Variants in DIS3L2 observed in about 807,000 individuals in gnomAD.
DIS3L2 encodes the protein DIS3 like 3'-5' exoribonuclease 2.
A neutral mutation model predicts 97.5 loss-of-function variants in DIS3L2; 34 were observed. The ratio of observed to expected loss-of-function variants is 0.35; its 90% CI spans 0.27 to 0.46. The LOEUF (loss-of-function observed/expected upper bound fraction) is 0.46. Ranked by LOEUF, DIS3L2 falls within the 20% of genes least tolerant of loss-of-function variation. DIS3L2 has a pLI of 1.00. For missense variants in DIS3L2, 1,038 were observed against 1,146.0 expected, an observed-to-expected ratio of 0.91 and a Z score of 1.36; for synonymous variants, 435 against 445.2, an observed-to-expected ratio of 0.98 and a Z score of 0.29.
At chr2:232,015,397 G>A (rs1694324240) in intron 2 of DIS3L2, 117 bp from the exon 3 acceptor site, 15 of 1,312,494 alleles carry the variant, frequency 1.1e-5, no homozygotes, top group South Asian at 3.2e-5. Flanking sequence ...CACCATCAGG[G>A]AGTTTCAGTC....
chr2:232,143,527 T>C (rs1300123419), intron 8 of DIS3L2, among the ~76,000 whole-genome samples: 1 of 152,168 alleles, frequency 6.6e-6, no homozygotes, highest in Non-Finnish European at 1.5e-5. Flanking sequence ...TCCAAATACA[T>C]ACATATTGAA....
chr2:231,998,358 A>G (rs910644154), intron 1 of DIS3L2, among the ~76,000 whole-genome samples: 5 of 152,294 alleles, frequency 3.3e-5, no homozygotes, highest in Non-Finnish European at 7.4e-5. Context: ...TTCATTCACT[A>G]TGGTTGAGCC....
intron 5 of DIS3L2, among the ~76,000 whole-genome samples, chr2:232,055,912 C>CA (rs1695535458): frequency 6.6e-6 from 1 of 152,106 alleles, no homozygotes; most frequent in South Asian, 2.1e-4. Flanking sequence ...ATTGGCTACC[C>CA]ACTTGGAGAA....
chr2:232,211,179 C>G (rs1490204123), intron 10 of DIS3L2, among the ~76,000 whole-genome samples: 2 of 149,220 alleles, frequency 1.3e-5, no homozygotes, highest in Non-Finnish European at 3.0e-5. Flanking sequence ...GAGTCCCACT[C>G]TTTTGCCCAG....
intron 9 of DIS3L2, among the ~76,000 whole-genome samples, chr2:232,206,113 A>G (rs1692020354): frequency 6.6e-6 from 1 of 152,192 alleles, no homozygotes; most frequent in African/African-American, 2.4e-5. Flanking sequence ...TCGCATCTCC[A>G]AAGGTGCTCC....
chr2:231,994,880 A>G (rs906750541), intron 1 of DIS3L2, among the ~76,000 whole-genome samples: 1 of 142,160 alleles, frequency 7.0e-6, no homozygotes, highest in Non-Finnish European at 1.5e-5. Flanking sequence ...TGGCATTATC[A>G]TGGCTCACTG....
At chr2:232,333,767 G>GTGTAGATCTC in intron 16 of DIS3L2, 73 bp from the exon 17 acceptor site, 19 of 1,440,714 alleles carry the variant, frequency 1.3e-5, no homozygotes, top group South Asian at 9.3e-5. Flanking sequence ...GTGAGGCTGT[G>GTGTAGATCTC]GGTGGTGCCA....
chr2:232,105,753 A>G (rs1271343401), intron 6 of DIS3L2, among the ~76,000 whole-genome samples: 1 of 152,210 alleles, frequency 6.6e-6, no homozygotes, highest in African/African-American at 2.4e-5. Flanking sequence ...TGTCTCACAA[A>G]TGTTCATCCT....
At position 232,292,841 on chromosome 2, in the gene DIS3L2, T is replaced by C. The variant is rs1015008527; in HGVS notation, c.1660-7199T>C. On this transcript the variant is annotated intron_variant, in intron 13 of 20. Coordinates refer to ENST00000325385, the MANE Select transcript of DIS3L2 (RefSeq NM_152383.5). This position sits in a 1 kb window ranked among gnomAD's most constrained non-coding sequence, Gnocchi z 4.4. ...GTGGAAGCTGACAGAGCAACCTTGT[T>C]GTTGCCTCTTGGGTCCTTCACTTCC... Among the ~76,000 whole-genome samples the C allele has an allele frequency of 6.6e-6, 1 of 152,198 alleles. No homozygotes were observed. Among genetic ancestry groups the C allele is most frequent in the Admixed American group, 6.5e-5 (1 of 15,282 alleles).
rs551225502 is a variant in DIS3L2 at position 232,330,601 on chromosome 2, G to A, written c.1924-89G>A. The A allele has an allele frequency of 7.0e-5, 96 of 1,368,512 alleles. No individual in the cohort carries two copies. The East Asian group carries it at 7.2e-4, about 10-fold the overall frequency. The allele number at this position is 1,368,512 out of a possible 1,614,324, so 84.8% of individuals were successfully genotyped here. ...ACAGGCAACTCCTCCCCCCAGAGCC[G>A]GGCATGAGGTGCTCAGCGGATGACA... is the stretch of plus-strand genomic sequence containing the variant. On this transcript the variant is annotated intron_variant, in intron 15 of 20. Transcript: ENST00000325385.
intron 13 of DIS3L2, among the ~76,000 whole-genome samples, chr2:232,290,306 C>T (rs1162535108): frequency 2.0e-5 from 3 of 152,186 alleles, no homozygotes; most frequent in African/African-American, 7.2e-5. Flanking sequence ...AGAACATGGC[C>T]CACTAACTGG....
rs969261801 is a variant in DIS3L2 at position 232,272,539 on chromosome 2, G to A, written c.1659+9099G>A. Among the ~76,000 whole-genome samples the A allele has an allele frequency of 3.9e-4, 59 of 152,180 alleles. 1 individual carries two copies. Among genetic ancestry groups the A allele is most frequent in the African/African-American group, 1.2e-3 (50 of 41,444 alleles). ...GAGCTGAAAGGTATGGAGTACCCAC[G>A]CTGTGAGAGGTAAGGGATTTATCCC... is the stretch of plus-strand genomic sequence containing the variant. On this transcript the variant is annotated intron_variant, in intron 13 of 20. Coordinates refer to ENST00000325385, the MANE Select transcript of DIS3L2 (RefSeq NM_152383.5).
At chr2:232,163,792 C>A (rs1458107605) in intron 9 of DIS3L2, among the ~76,000 whole-genome samples, 160 bp downstream of exon 9, 1 of 152,162 alleles carries the variant, frequency 6.6e-6, no homozygotes, top group Non-Finnish European at 1.5e-5. Context: ...GGCCCACAGG[C>A]TAAATCTAGC....
intron 9 of DIS3L2, among the ~76,000 whole-genome samples, chr2:232,200,115 G>C (rs185815031): frequency 8.5e-5 from 13 of 152,260 alleles, no homozygotes; most frequent in Admixed American, 5.9e-4. Context: ...TGAATATCAA[G>C]GCCATTGGGA....
intron 5 of DIS3L2, among the ~76,000 whole-genome samples, chr2:232,053,480 C>T (rs923946961): frequency 3.9e-5 from 6 of 152,158 alleles, no homozygotes; most frequent in East Asian, 1.9e-4. Flanking sequence ...CCTGACACTA[C>T]GCAGAGTTAG....
intron 6 of DIS3L2, among the ~76,000 whole-genome samples, chr2:232,122,925 G>A (rs755613874): frequency 6.6e-6 from 1 of 152,208 alleles, no homozygotes; most frequent in Non-Finnish European, 1.5e-5. Flanking sequence ...CAAGCTCATA[G>A]GATCTAGGTT....
At chr2:232,088,390 CAAAA>C (rs778505065) in intron 6 of DIS3L2, among the ~76,000 whole-genome samples, 1 of 55,714 alleles carries the variant, frequency 1.8e-5, no homozygotes, top group Non-Finnish European at 3.8e-5. Context: ...ACTAAAAATA[CAAAA>C]AAAAAAAAAA....
chr2:232,137,273 A>G (rs1301616510), intron 8 of DIS3L2, among the ~76,000 whole-genome samples: 5 of 152,224 alleles, frequency 3.3e-5, no homozygotes, highest in Non-Finnish European at 5.9e-5. Context: ...TATACATGAC[A>G]TAGTCCAGGA....
intron 13 of DIS3L2, among the ~76,000 whole-genome samples, chr2:232,290,839 G>A (rs545612249): frequency 4.6e-5 from 7 of 152,298 alleles, no homozygotes; most frequent in Admixed American, 2.0e-4. Context: ...CTAATGAATC[G>A]GGAACTCCAT....
Sources: allele counts gnomAD v4.1 joint callset (sites outside exome capture counted in the v4.1 genomes callset), GRCh38; gene constraint gnomAD v4.1.1; non-coding constraint Gnocchi (gnomAD v3.1); transcripts MANE v1.5; gene names NCBI Gene and HGNC (gene_info 2026-07-23, HGNC 2026-07-21).